ANK3: variants seen among roughly 807,000 people sequenced by gnomAD.
The protein encoded by ANK3 is ankyrin 3.
In ANK3, 57 loss-of-function variants were observed where a neutral mutation model predicts 370.9. The observed-to-expected ratio is 0.15, with a 90% CI of 0.12 to 0.19. The LOEUF (loss-of-function observed/expected upper bound fraction) is 0.19, where lower values mean the gene tolerates loss of function less well. ANK3 is among the 10% of genes least tolerant of loss of function. The probability of loss-of-function intolerance (pLI) is 1.00; values close to 1 mark genes in which losing one functional copy is unlikely to be tolerated. For missense variants in ANK3, 4,439 were observed against 5,302.1 expected, an observed-to-expected ratio of 0.84 and a Z score of 5.06; for synonymous variants, 1,929 against 1,946.3, an observed-to-expected ratio of 0.99 and a Z score of 0.23.
At chr10:60,035,833 T>A (rs1397121266) in intron 43 of ANK3, among the ~76,000 whole-genome samples, 2 of 151,314 alleles carry the variant, frequency 1.3e-5, no homozygotes, top group Admixed American at 1.3e-4. Flanking sequence ...CTACTAAAAA[T>A]ACAAAATTAG....
intron 1 of ANK3, among the ~76,000 whole-genome samples, chr10:60,374,816 T>C (rs1185405427): frequency 6.6e-6 from 1 of 152,184 alleles, no homozygotes; most frequent in Admixed American, 6.5e-5. Context: ...GTACTTTTGG[T>C]ACACTCATAA....
Position 60,059,734 on chromosome 10 carries a change from C to T in ANK3, c.12596-304G>A, listed in dbSNP as rs759670115. ...TTCTCCAACTGGCTCTCATCTACAT[C>T]CACTGCTTCAGGCATTTCTGTTAAA... On this transcript the variant is annotated intron_variant, in intron 40 of 43. Transcript: ENST00000280772. 2.5e-6 allele frequency: 4 copies of T among 1,613,816 alleles called. No homozygotes were observed. In the Admixed American group the frequency reaches 6.7e-5, roughly 27 times the overall value.
intron 1 of ANK3, among the ~76,000 whole-genome samples, chr10:60,654,034 T>C (rs896413179): frequency 1.3e-5 from 2 of 152,368 alleles, no homozygotes; most frequent in Non-Finnish European, 2.9e-5. Context: ...TTTGTATTTT[T>C]CATTGACAGA....
chr10:60,718,539 G>A (rs76639224), intron 1 of ANK3, among the ~76,000 whole-genome samples: 1 of 151,882 alleles, frequency 6.6e-6, no homozygotes, highest in African/African-American at 2.4e-5. Context: ...AAAAAAAAAA[G>A]TATTCTTAAT....
At chr10:60,263,810 C>A in intron 6 of ANK3, 25 bp downstream of exon 6, 1 of 1,612,292 alleles carries the variant, frequency 6.2e-7, no homozygotes, top group Non-Finnish European at 8.5e-7. Flanking sequence ...AGTTGCATGA[C>A]AGGCCCGTGT....
At position 60,201,229 on chromosome 10, in the gene ANK3, G is replaced by T. The variant is rs527320642; in HGVS notation, c.1393-1002C>A. On this transcript the variant is annotated intron_variant, in intron 12 of 43. Transcript: ENST00000280772. The stretch of plus-strand genomic sequence containing the variant: ...CCCTTTACGAATGAAAACATTCTGT[G>T]CAATTAGTACTAGGAAAGACTGTAT... Among the ~76,000 whole-genome samples the T allele has an allele frequency of 3.3e-5, 5 of 152,288 alleles. No individual in the cohort carries two copies. In the South Asian group the frequency reaches 1.0e-3, roughly 32 times the overall value.
At chr10:60,563,320 A>G (rs975461348) in intron 2 of ANK3, among the ~76,000 whole-genome samples, 2 of 152,160 alleles carry the variant, frequency 1.3e-5, no homozygotes, top group African/African-American at 4.8e-5. Context: ...GAATTTATTA[A>G]GGACAAAAAC....
intron 17 of ANK3, among the ~76,000 whole-genome samples, chr10:60,183,059 A>G (rs971917711): frequency 6.6e-6 from 1 of 152,222 alleles, no homozygotes; most frequent in Non-Finnish European, 1.5e-5. Context: ...TGTTGTGGGC[A>G]CATGTTGTCC....
chr10:60,432,522 C>T (rs1005747521), intron 2 of ANK3, among the ~76,000 whole-genome samples: 2 of 152,296 alleles, frequency 1.3e-5, no homozygotes, highest in African/African-American at 4.8e-5. Flanking sequence ...TCCTTATTGG[C>T]ACTTTTAATG....
At chr10:60,631,674 C>G (rs1161266078) in intron 1 of ANK3, among the ~76,000 whole-genome samples, 1 of 151,938 alleles carries the variant, frequency 6.6e-6, no homozygotes, top group African/African-American at 2.4e-5. Context: ...GTTAAATCAT[C>G]AAAAGTATAA....
At chr10:60,530,198 G>A (rs2076572396) in intron 2 of ANK3, among the ~76,000 whole-genome samples, 1 of 152,124 alleles carries the variant, frequency 6.6e-6, no homozygotes. Flanking sequence ...GAGATGTTGG[G>A]ATCTTCCTAT....
intron 18 of ANK3, among the ~76,000 whole-genome samples, chr10:60,180,625 A>C (rs1482670234): frequency 2.8e-5 from 2 of 72,094 alleles, no homozygotes; most frequent in Non-Finnish European, 5.4e-5. Context: ...CAAAAAAAAA[A>C]CATGTTAGAG....
chr10:60,029,934 A>G (rs1234475197), intron 43 of ANK3, 108 bp from the exon 44 acceptor site: 1 of 117,640 alleles, frequency 8.5e-6, no homozygotes, highest in Admixed American at 1.2e-4. Flanking sequence ...CTTACTTGCC[A>G]TTCAATAGAA....
rs1359098420 is a variant in ANK3, at chr10:60,027,828, G to T, written c.*2018C>A. 6.6e-6 allele frequency: 1 copy of T among 152,160 alleles called. No homozygotes were observed. Among genetic ancestry groups the T allele is most frequent in the African/African-American group, 2.4e-5 (1 of 41,428 alleles). 9.4% of individuals were successfully genotyped at this position (152,160 alleles called of 1,614,324 possible). A position where few individuals can be genotyped will look rare whatever the true frequency, so the allele number is the denominator to read the frequency against. On this transcript the variant is annotated 3_prime_UTR_variant, in exon 44 of 44. Transcript: ENST00000280772. ...GTATGGGTTGCAAATTCACAGTCAG[G>T]TTGTACAAATATAAGAAATGAGGCT...
At chr10:60,291,654 A>C (rs2132755941) in intron 1 of ANK3, among the ~76,000 whole-genome samples, 1 of 152,196 alleles carries the variant, frequency 6.6e-6, no homozygotes, top group Non-Finnish European at 1.5e-5. Context: ...TGTTAATAAA[A>C]GTTCTATTGT....
chr10:60,352,361 T>A (rs928457767), intron 1 of ANK3, among the ~76,000 whole-genome samples: 1 of 152,198 alleles, frequency 6.6e-6, no homozygotes, highest in African/African-American at 2.4e-5. Flanking sequence ...AATAAAGTCC[T>A]TGCTGAAGGT....
intron 1 of ANK3, among the ~76,000 whole-genome samples, chr10:60,692,194 GAAGAC>G: frequency 6.6e-6 from 1 of 152,274 alleles, no homozygotes; most frequent in Non-Finnish European, 1.5e-5. Context: ...ACATTCTTGT[GAAGAC>G]AATATCAAAT....
intron 2 of ANK3, among the ~76,000 whole-genome samples, chr10:60,593,798 T>G (rs900299209): frequency 6.6e-6 from 1 of 152,186 alleles, no homozygotes; most frequent in African/African-American, 2.4e-5. Context: ...TCCATTAATT[T>G]TTCTGCTGAC....
intron 23 of ANK3, among the ~76,000 whole-genome samples, chr10:60,160,831 A>G (rs1309084266): frequency 6.6e-6 from 1 of 152,196 alleles, no homozygotes; most frequent in African/African-American, 2.4e-5. Flanking sequence ...CTGAAAAAGC[A>G]TTCAATAAAA....
Sources: allele counts gnomAD v4.1 joint callset (sites outside exome capture counted in the v4.1 genomes callset), GRCh38; gene constraint gnomAD v4.1.1; transcripts MANE v1.5; gene names NCBI Gene and HGNC (gene_info 2026-07-23, HGNC 2026-07-21).